Variants in PLCB4 observed in about 807,000 individuals in gnomAD.
PLCB4 encodes the protein phospholipase C beta 4, also known as 1-phosphatidylinositol 4,5-bisphosphate phosphodiesterase beta-4.
Under a neutral mutation model 178.8 loss-of-function variants are expected in PLCB4, and 77 were observed. The ratio of observed to expected loss-of-function variants is 0.43; its 90% CI spans 0.36 to 0.52. PLCB4 has a LOEUF of 0.52. Ranked by LOEUF, PLCB4 falls within the 20% of genes least tolerant of loss-of-function variation. The pLI, the probability that PLCB4 is intolerant of heterozygous loss-of-function variation, is 0.00. For synonymous variants in PLCB4, 496 were observed against 490.8 expected, an observed-to-expected ratio of 1.01 and a Z score of -0.14; for missense variants, 1,024 against 1,453.4, an observed-to-expected ratio of 0.70 and a Z score of 4.80.
At chr20:9,229,683 G>A (rs552586692) in intron 3 of PLCB4, among the ~76,000 whole-genome samples, 2 of 151,668 alleles carry the variant, frequency 1.3e-5, no homozygotes, top group Non-Finnish European at 2.9e-5. Context: ...TGGGTTCTTT[G>A]TGTTTAAAAC....
At chr20:9,463,819 A>G (rs1266862939) in intron 35 of PLCB4, among the ~76,000 whole-genome samples, 1 of 152,134 alleles carries the variant, frequency 6.6e-6, no homozygotes, top group Non-Finnish European at 1.5e-5. Context: ...AGACTCCCAC[A>G]TAATAATAAT....
chr20:9,281,643 A>C (rs1414637027), intron 3 of PLCB4, among the ~76,000 whole-genome samples: 1 of 152,020 alleles, frequency 6.6e-6, no homozygotes, highest in Non-Finnish European at 1.5e-5. Flanking sequence ...TAGGTTTTAT[A>C]TTTAAAATGA....
intron 2 of PLCB4, among the ~76,000 whole-genome samples, chr20:9,211,765 C>A (rs1431669864): frequency 6.6e-6 from 1 of 152,130 alleles, no homozygotes; most frequent in African/African-American, 2.4e-5. Flanking sequence ...AGAATGATTC[C>A]ATTTTCTATA....
chr20:9,153,298 T>C (rs1169981895), intron 2 of PLCB4, among the ~76,000 whole-genome samples: 1 of 152,172 alleles, frequency 6.6e-6, no homozygotes, highest in Non-Finnish European at 1.5e-5. Flanking sequence ...TTTGTTTGCC[T>C]GTGTCCCCAT....
intron 19 of PLCB4, among the ~76,000 whole-genome samples, chr20:9,396,032 A>G (rs1379956983): frequency 6.6e-6 from 1 of 152,200 alleles, no homozygotes; most frequent in Non-Finnish European, 1.5e-5. Flanking sequence ...TTTATATAAT[A>G]ATGCCGTTTT....
intron 39 of PLCB4, among the ~76,000 whole-genome samples, chr20:9,478,417 T>G (rs2044695642): frequency 6.6e-6 from 1 of 152,242 alleles, no homozygotes; most frequent in South Asian, 2.1e-4. Context: ...TGCTCTCACC[T>G]GAACTTCTCT....
At chr20:9,233,624 G>A (rs111870832) in intron 3 of PLCB4, among the ~76,000 whole-genome samples, 1 of 152,260 alleles carries the variant, frequency 6.6e-6, no homozygotes, top group African/African-American at 2.4e-5. Context: ...AGCCAGGAAT[G>A]TGAACTAAGA....
At chr20:9,151,053 C>T (rs528227302) in intron 2 of PLCB4, among the ~76,000 whole-genome samples, 31 of 152,246 alleles carry the variant, frequency 2.0e-4, no homozygotes, top group Non-Finnish European at 3.5e-4. Flanking sequence ...ACAGTAGGCC[C>T]TCCATATCTG....
chr20:9,297,055 T>TAAA (rs900866332), intron 3 of PLCB4, among the ~76,000 whole-genome samples: 1 of 152,058 alleles, frequency 6.6e-6, no homozygotes, highest in African/African-American at 2.4e-5. Context: ...AGCATATTTA[T>TAAA]AATATGTCAA....
chr20:9,268,104 C>T (rs2094366851), intron 3 of PLCB4, among the ~76,000 whole-genome samples: 1 of 152,184 alleles, frequency 6.6e-6, no homozygotes. Context: ...AACCCAGTTT[C>T]AGGTATTCTA....
intron 3 of PLCB4, among the ~76,000 whole-genome samples, chr20:9,237,907 T>C (rs746959487): frequency 2.0e-5 from 3 of 152,138 alleles, no homozygotes; most frequent in Non-Finnish European, 4.4e-5. Context: ...GCTTGGAACT[T>C]TGGAGACACA....
chr20:9,153,519 C>T lies in PLCB4; in HGVS notation c.-79+57177C>T, dbSNP rs565197077. 4.6e-5 allele frequency among the ~76,000 whole-genome samples: 7 copies of T among 152,310 alleles called. No individual in the cohort carries two copies. The East Asian group carries it at 1.4e-3, about 29-fold the overall frequency. On this transcript the variant is annotated intron_variant, in intron 2 of 39. Coordinates refer to ENST00000378473, the MANE Select transcript of PLCB4 (RefSeq NM_001377142.1). ...CTGCCATGTAAGAAGTGCCTTTCAA[C>T]CTCCCGCCATGATTCTGAGGCCTCC...
intron 14 of PLCB4, among the ~76,000 whole-genome samples, chr20:9,386,650 T>A (rs142100538): frequency 0.03 from 4,520 of 152,062 alleles, 208 homozygotes; most frequent in African/African-American, 0.1. Flanking sequence ...GTAATTTTTT[T>A]AATTTATTTT....
chr20:9,367,668 G>A (rs1205504419), intron 9 of PLCB4, among the ~76,000 whole-genome samples: 2 of 152,152 alleles, frequency 1.3e-5, no homozygotes, highest in African/African-American at 4.8e-5. Flanking sequence ...CAGGAAATGG[G>A]CAAAGTAGAG....
intron 3 of PLCB4, among the ~76,000 whole-genome samples, chr20:9,293,089 A>G (rs964634390): frequency 2.0e-5 from 3 of 152,038 alleles, no homozygotes; most frequent in Non-Finnish European, 4.4e-5. Context: ...GAAAGAAAGA[A>G]AGAAAAAGAG....
At chr20:9,362,166 A>G (rs1172176438) in intron 7 of PLCB4, among the ~76,000 whole-genome samples, 2 of 152,192 alleles carry the variant, frequency 1.3e-5, no homozygotes, top group African/African-American at 2.4e-5. Flanking sequence ...TATGGCATTC[A>G]TTGGCATCAG....
At chr20:9,088,063 A>C (rs1401045181) in intron 1 of PLCB4, among the ~76,000 whole-genome samples, 1 of 152,202 alleles carries the variant, frequency 6.6e-6, no homozygotes. Flanking sequence ...TCAGCCAGCC[A>C]ATCTGATGCA....
chr20:9,206,299 C>CTTTTTTTTTT (rs71184138), intron 2 of PLCB4, among the ~76,000 whole-genome samples: 2 of 96,100 alleles, frequency 2.1e-5, no homozygotes, highest in African/African-American at 3.9e-5. Context: ...TTTCTTTTTT[C>CTTTTTTTTTT]TTTTTTTTTT....
intron 2 of PLCB4, among the ~76,000 whole-genome samples, chr20:9,151,597 C>T (rs1023023224): frequency 1.3e-5 from 2 of 152,266 alleles, no homozygotes; most frequent in African/African-American, 4.8e-5. Flanking sequence ...CAGCCTCCCG[C>T]CATGATTCTG....
Sources: allele counts gnomAD v4.1 joint callset (sites outside exome capture counted in the v4.1 genomes callset), GRCh38; gene constraint gnomAD v4.1.1; transcripts MANE v1.5; gene names NCBI Gene and HGNC (gene_info 2026-07-23, HGNC 2026-07-21).